The following CCDC7 variants were observed in gnomAD, a reference collection of about 807,000 sequenced individuals.
The protein encoded by CCDC7 is coiled-coil domain-containing protein 7.
CCDC7 carries 183 observed loss-of-function variants against 196.9 expected under a neutral mutation model. That is an observed-to-expected ratio of 0.93 (90% confidence interval 0.82 to 1.05). The LOEUF (loss-of-function observed/expected upper bound fraction) is 1.05. CCDC7 is among the 50% of genes least tolerant of loss of function. The pLI, the probability that CCDC7 is intolerant of heterozygous loss-of-function variation, is 0.00. For synonymous variants in CCDC7, 525 were observed against 484.6 expected, an observed-to-expected ratio of 1.08 and a Z score of -1.10; for missense variants, 1,540 against 1,482.2, an observed-to-expected ratio of 1.04 and a Z score of -0.64.
chr10:32,764,919 A>C (rs2078029780), intron 28 of CCDC7, among the ~76,000 whole-genome samples: 1 of 152,092 alleles, frequency 6.6e-6, no homozygotes, highest in Non-Finnish European at 1.5e-5. Flanking sequence ...TAGAAATCAG[A>C]ATAGTCTGAC....
intron 24 of CCDC7, among the ~76,000 whole-genome samples, chr10:32,695,246 AG>A (rs1174656322): frequency 6.6e-6 from 1 of 152,208 alleles, no homozygotes; most frequent in East Asian, 1.9e-4. Context: ...AGTCTGTCAA[AG>A]GGTGTTTGCT....
upstream of CCDC7, chr10:32,446,056 C>T (rs1592671854): frequency 6.6e-6 from 1 of 152,234 alleles, no homozygotes; most frequent in Non-Finnish European, 1.5e-5. Context: ...CTCTTCCGCT[C>T]TCGGCGCGCA....
chr10:32,487,764 T>C (rs2041420226), intron 8 of CCDC7, among the ~76,000 whole-genome samples: 2 of 152,374 alleles, frequency 1.3e-5, no homozygotes, highest in Middle Eastern at 6.8e-3. Flanking sequence ...AGACCCTGTT[T>C]GCCTGGGTAT....
intron 30 of CCDC7, among the ~76,000 whole-genome samples, chr10:32,813,630 C>T (rs1051266021): frequency 1.3e-5 from 2 of 152,128 alleles, no homozygotes; most frequent in East Asian, 1.9e-4. Flanking sequence ...AATGTTCCAC[C>T]TCACATAGTA....
Position 32,681,738 on chromosome 10 carries a change from TACACACACACAC to T in CCDC7, c.2123-4196_2123-4185del, listed in dbSNP as rs57829018. ...GGATTCTTCAGTGTATTTATATGTA[TACACACACACAC>T]ACACACACACACACACACACACACA... is the stretch of plus-strand genomic sequence containing the variant. On this transcript the variant is annotated intron_variant, in intron 21 of 41. Coordinates refer to ENST00000639629, the Ensembl canonical transcript of CCDC7. Among the ~76,000 whole-genome samples, 332 of 137,628 alleles carry T rather than the reference TACACACACACAC, an allele frequency of 2.4e-3. 2 individuals carry two copies. Among genetic ancestry groups the T allele is most frequent in the South Asian group, 5.4e-3 (22 of 4,094 alleles). 90.3% of individuals were successfully genotyped at this position (137,628 alleles called of 152,430 possible). A position where few individuals can be genotyped will look rare whatever the true frequency, so the allele number is the denominator to read the frequency against.
chr10:32,864,580 C>T (rs1408540672), intron 41 of CCDC7, among the ~76,000 whole-genome samples: 1 of 150,804 alleles, frequency 6.6e-6, no homozygotes, highest in Non-Finnish European at 1.5e-5. Flanking sequence ...TAAATAAATT[C>T]TAAAGATTAA....
At chr10:32,452,807 A>G (rs1367156045) in intron 1 of CCDC7, among the ~76,000 whole-genome samples, 2 of 152,106 alleles carry the variant, frequency 1.3e-5, no homozygotes, top group African/African-American at 2.4e-5. Flanking sequence ...CTGAGTTTCT[A>G]TTTTTTTCAC....
intron 13 of CCDC7, among the ~76,000 whole-genome samples, chr10:32,555,175 T>G (rs187211790): frequency 1.3e-5 from 2 of 152,342 alleles, no homozygotes; most frequent in East Asian, 3.8e-4. Flanking sequence ...AGATATCTTT[T>G]TAATATACTG....
chr10:32,646,749 G>A (rs1439806909), intron 20 of CCDC7, among the ~76,000 whole-genome samples: 3 of 152,078 alleles, frequency 2.0e-5, no homozygotes, highest in African/African-American at 4.8e-5. Flanking sequence ...TCCACCTCTA[G>A]TAGGCCACAG....
chr10:32,707,784 A>C (rs2080051233), intron 24 of CCDC7, among the ~76,000 whole-genome samples: 1 of 152,184 alleles, frequency 6.6e-6, no homozygotes, highest in Non-Finnish European at 1.5e-5. Context: ...GGACCTCTTC[A>C]AGGAGAACTA....
At chr10:32,574,346 G>T in intron 16 of CCDC7, 2 of 914,786 alleles carry the variant, frequency 2.2e-6, no homozygotes, top group Non-Finnish European at 2.9e-6. Context: ...ATTATATTAT[G>T]TTGCTAAATA....
chr10:32,744,864 T>G (rs866035751), intron 28 of CCDC7, among the ~76,000 whole-genome samples: 6 of 152,220 alleles, frequency 3.9e-5, no homozygotes, highest in African/African-American at 1.2e-4. Flanking sequence ...TTGATTGTCT[T>G]TCATATTTTG....
chr10:32,720,983 C>T (rs963583782), intron 25 of CCDC7, among the ~76,000 whole-genome samples: 2 of 152,084 alleles, frequency 1.3e-5, no homozygotes, highest in Admixed American at 6.6e-5. Context: ...GTCCCAGCTA[C>T]TTGCGGGTGC....
At chr10:32,531,383 C>T (rs2049632582) in intron 11 of CCDC7, among the ~76,000 whole-genome samples, 1 of 152,126 alleles carries the variant, frequency 6.6e-6, no homozygotes, top group Non-Finnish European at 1.5e-5. Flanking sequence ...CTCAGCCTCC[C>T]AAAATGTTGG....
intron 20 of CCDC7, among the ~76,000 whole-genome samples, chr10:32,648,639 A>G (rs1241743264): frequency 1.3e-5 from 2 of 152,178 alleles, no homozygotes; most frequent in African/African-American, 4.8e-5. Flanking sequence ...AACAGTGGAA[A>G]AGTGTTCCTT....
At chr10:32,812,961 A>G (rs1046827136) in intron 30 of CCDC7, among the ~76,000 whole-genome samples, 3 of 152,180 alleles carry the variant, frequency 2.0e-5, no homozygotes, top group African/African-American at 7.2e-5. Context: ...GTTCTGCTCA[A>G]TCTTATGGAT....
chr10:32,632,085 G>A (rs1444461473), intron 18 of CCDC7, among the ~76,000 whole-genome samples: 2 of 135,882 alleles, frequency 1.5e-5, no homozygotes, highest in Admixed American at 1.6e-4. Flanking sequence ...ACATTTGTAA[G>A]TTGAGAGTTT....
Position 32,840,982 on chromosome 10 carries a change from C to T in CCDC7, c.3353-4261C>T, listed in dbSNP as rs574986264. ...TTATGATTAAAACCCTCGGCAAAAT[C>T]GGCATAAAAGGAACATAACATAAGG... is the stretch of plus-strand genomic sequence containing the variant. On this transcript the variant is annotated intron_variant, in intron 33 of 41. Coordinates refer to ENST00000639629, the Ensembl canonical transcript of CCDC7. Among the ~76,000 whole-genome samples, 104 of 151,856 alleles carry T rather than the reference C, an allele frequency of 6.8e-4. 1 individual carries two copies. The Middle Eastern group carries it at 0.014, about 20-fold the overall frequency.
chr10:32,555,062 A>G (rs997536311), intron 13 of CCDC7, among the ~76,000 whole-genome samples: 6 of 152,146 alleles, frequency 3.9e-5, no homozygotes, highest in African/African-American at 1.4e-4. Flanking sequence ...TCCATTATGT[A>G]TGTGTACTAC....
Sources: allele counts gnomAD v4.1 joint callset (sites outside exome capture counted in the v4.1 genomes callset), GRCh38; gene constraint gnomAD v4.1.1; transcripts MANE v1.5; gene names NCBI Gene and HGNC (gene_info 2026-07-23, HGNC 2026-07-21).